Variants in MAN2B2 observed in about 807,000 individuals in gnomAD.
MAN2B2 encodes the protein mannosidase alpha class 2B member 2.
MAN2B2 carries 106 observed loss-of-function variants against 117.1 expected under a neutral mutation model. That is an observed-to-expected ratio of 0.90 (90% CI 0.77 to 1.06). The LOEUF is 1.06. Among genes scored for constraint, MAN2B2 ranks in the 50% least tolerant of loss-of-function variants. The pLI is 0.00. For synonymous variants in MAN2B2, 544 were observed against 595.1 expected, an observed-to-expected ratio of 0.91 and a Z score of 1.25; for missense variants, 1,326 against 1,381.4, an observed-to-expected ratio of 0.96 and a Z score of 0.64.
At chr4:6,590,199 C>A (rs1398170598) in intron 5 of MAN2B2, among the ~76,000 whole-genome samples, 2 of 152,032 alleles carry the variant, frequency 1.3e-5, no homozygotes, top group Non-Finnish European at 2.9e-5. Flanking sequence ...TGGCAAAACC[C>A]CGTCTCTACT....
chr4:6,587,057 C>A lies in MAN2B2; in HGVS notation c.453C>A (p.Asp151Glu). The A allele has an allele frequency of 6.2e-7, 1 of 1,614,064 alleles. No homozygotes were observed. Among genetic ancestry groups the A allele is most frequent in the Non-Finnish European group, 8.5e-7 (1 of 1,180,020 alleles). The change falls in exon 4 of 19, where the codon GAC becomes GAA. Residue 151 changes from aspartate (D) to glutamate (E), a missense_variant. Asp to Glu is a conservative substitution (Grantham distance 45). Coordinates refer to ENST00000285599, the MANE Select transcript of MAN2B2 (RefSeq NM_015274.3). ...GIRPQFSWHVDPFGASATTPT... is the reference protein window; with the variant it reads ...GIRPQFSWHVEPFGASATTPT... ...GGCCACAGTTCTCCTGGCACGTTGA[C>A]CCGTTTGGCGCCTCTGCCACGACGC...
chr4:6,593,201 G>T lies in MAN2B2; in HGVS notation c.709G>T (p.Val237Phe). 2.5e-6 allele frequency: 4 copies of T among 1,613,786 alleles called. No individual in the cohort carries two copies. The highest frequency in any genetic ancestry group is 3.4e-6 in the Non-Finnish European group (4 of 1,179,842). Residue 237 changes from valine (V) to phenylalanine (F), a missense_variant, in exon 6 of 19, where the codon GTC becomes TTC. Transcript: ENST00000285599. Reference sequence around the variant, plus strand: ...AGGATTTTACTGGAATGGCGTGGCTGTCTTCCCCAAGCCTCCCCAAGATGG... The same window carrying T: ...AGGATTTTACTGGAATGGCGTGGCTTTCTTCCCCAAGCCTCCCCAAGATGG... ...RSGFYWNGVA[V>F]FPKPPQDGVY...
intron 11 of MAN2B2, among the ~76,000 whole-genome samples, chr4:6,607,610 A>G (rs1727604297): frequency 6.6e-6 from 1 of 152,116 alleles, no homozygotes; most frequent in African/African-American, 2.4e-5. Flanking sequence ...TATGTACCAT[A>G]TTTTGTTTAT....
intron 12 of MAN2B2, 140 bp from the exon 13 acceptor site, chr4:6,609,658 G>C: frequency 9.2e-7 from 1 of 1,091,130 alleles, no homozygotes; most frequent in Admixed American, 2.2e-5. Context: ...TGGTGCTATT[G>C]TCCACATGGC....
intron 3 of MAN2B2, among the ~76,000 whole-genome samples, chr4:6,583,635 C>T (rs114996845): frequency 6.6e-6 from 1 of 152,058 alleles, no homozygotes. Context: ...AGAAAGAATT[C>T]GACTGAGGGG....
intron 10 of MAN2B2, among the ~76,000 whole-genome samples, chr4:6,602,376 C>T (rs940476747): frequency 1.3e-5 from 2 of 152,212 alleles, no homozygotes; most frequent in Admixed American, 1.3e-4. Flanking sequence ...CCTCTTCCTG[C>T]TTGCCATCTT....
At chr4:6,600,485 C>G in intron 9 of MAN2B2, 138 bp from the exon 10 acceptor site, 1 of 1,010,450 alleles carries the variant, frequency 9.9e-7, no homozygotes, top group Non-Finnish European at 1.5e-6. Flanking sequence ...GGCCTGCCCC[C>G]TTCCTGGCTC....
chr4:6,590,364 CCA>C (rs1726808385), intron 5 of MAN2B2, among the ~76,000 whole-genome samples: 1 of 152,074 alleles, frequency 6.6e-6, no homozygotes, highest in South Asian at 2.1e-4. Context: ...CCAGCCTGGG[CCA>C]CAGAGCAAGA....
rs376329738 is a variant in MAN2B2 at position 6,600,590 on chromosome 4, A to G, written c.1406-33A>G. Reference sequence around the variant, plus strand: ...CACCCCATTCCAGAAGGTGAGTCACATGGCACAAGCAAAGCCTCTTCTCTG... The same window carrying G: ...CACCCCATTCCAGAAGGTGAGTCACGTGGCACAAGCAAAGCCTCTTCTCTG... On this transcript the variant is annotated intron_variant, in intron 9 of 18. Transcript: ENST00000285599. 2.4e-5 allele frequency: 38 copies of G among 1,608,068 alleles called. No homozygotes were observed. The African/African-American group carries it at 4.8e-4, about 20-fold the overall frequency.
chr4:6,594,880 G>A, intron 7 of MAN2B2, 148 bp downstream of exon 7: 1 of 780,416 alleles, frequency 1.3e-6, no homozygotes, highest in Non-Finnish European at 2.1e-6. Flanking sequence ...CAGGGGCAGA[G>A]ACTGACCCTC....
intron 7 of MAN2B2, among the ~76,000 whole-genome samples, chr4:6,596,681 C>T (rs564496410): frequency 9.8e-5 from 15 of 152,298 alleles, no homozygotes; most frequent in Admixed American, 3.3e-4. Context: ...CCCATGCCCA[C>T]GTCACACATG....
chr4:6,598,535 G>A (rs965018944), intron 9 of MAN2B2, among the ~76,000 whole-genome samples, 181 bp downstream of exon 9: 3 of 152,198 alleles, frequency 2.0e-5, no homozygotes, highest in African/African-American at 4.8e-5. Context: ...TTGCTCATCC[G>A]TGCAATGAGG....
intron 10 of MAN2B2, among the ~76,000 whole-genome samples, chr4:6,603,038 T>G (rs1373796018): frequency 6.6e-6 from 1 of 151,932 alleles, no homozygotes; most frequent in African/African-American, 2.4e-5. Flanking sequence ...GCCTCACATG[T>G]GGGAAGCTTT....
rs147608786 is a variant in MAN2B2 at position 6,598,277 on chromosome 4, T to C, written c.1328T>C (p.Met443Thr). The part of the protein sequence containing the change: ...DMYATHLASG[M>T]LGMRKLMASI... ...TACGCAACGCACCTGGCCTCGGGGA[T>C]GCTGGGCATGCGCAAGCTGATGGCC... Residue 443 changes from methionine to threonine, a missense_variant, in exon 9 of 19, where the codon ATG becomes ACG. Physicochemically the swap from Met to Thr is moderately conservative, Grantham distance 81 (BLOSUM62 -1). Coordinates refer to ENST00000285599, the MANE Select transcript of MAN2B2 (RefSeq NM_015274.3). 72 of 1,613,668 alleles carry C rather than the reference T, an allele frequency of 4.5e-5. No homozygotes were observed. The African/African-American group carries it at 8.9e-4, about 20-fold the overall frequency.
At chr4:6,604,209 G>C (rs1412032825) in intron 10 of MAN2B2, among the ~76,000 whole-genome samples, 1 of 152,172 alleles carries the variant, frequency 6.6e-6, no homozygotes, top group African/African-American at 2.4e-5. Flanking sequence ...CCGCAGGGAG[G>C]AGGCTGGGTC....
intron 3 of MAN2B2, among the ~76,000 whole-genome samples, chr4:6,585,815 C>G (rs1198929552): frequency 6.6e-6 from 1 of 152,150 alleles, no homozygotes; most frequent in African/African-American, 2.4e-5. Flanking sequence ...AGCCTCAGTT[C>G]CTCGCCATGT....
chr4:6,592,648 G>A (rs1200211274), intron 5 of MAN2B2, among the ~76,000 whole-genome samples: 1 of 152,184 alleles, frequency 6.6e-6, no homozygotes, highest in Non-Finnish European at 1.5e-5. Context: ...TGCCCAGGTT[G>A]GAGAGCTCCA....
intron 18 of MAN2B2, 24 bp from the exon 19 acceptor site, chr4:6,621,164 G>C (rs1712153448): frequency 6.3e-7 from 1 of 1,584,654 alleles, no homozygotes; most frequent in African/African-American, 1.3e-5. Context: ...GGCCACACTG[G>C]ACAGATCACC....
chr4:6,599,278 A>T (rs1231190799), intron 9 of MAN2B2, among the ~76,000 whole-genome samples: 1 of 151,158 alleles, frequency 6.6e-6, no homozygotes, highest in Non-Finnish European at 1.5e-5. Flanking sequence ...TTTTATTTTT[A>T]TTTTTTTTGG....
Sources: gnomAD v4.1 joint callset for allele counts (sites outside exome capture counted in the v4.1 genomes callset) on GRCh38, gnomAD v4.1.1 for gene constraint, MANE v1.5 for transcripts, NCBI Gene and HGNC (gene_info 2026-07-23, HGNC 2026-07-21) for gene names.